Variants in CCDC7 observed in about 807,000 individuals in gnomAD.
CCDC7 encodes coiled-coil domain containing 7.
CCDC7 carries 183 observed loss-of-function variants against 196.9 expected under a neutral mutation model. The observed-to-expected ratio is 0.93, with a 90% confidence interval of 0.82 to 1.05. CCDC7 has a LOEUF of 1.05. Ranked by LOEUF, CCDC7 falls within the 50% of genes least tolerant of loss-of-function variation. The pLI is 0.00. For missense variants in CCDC7, 1,540 were observed against 1,482.2 expected, an observed-to-expected ratio of 1.04 and a Z score of -0.64; for synonymous variants, 525 against 484.6, an observed-to-expected ratio of 1.08 and a Z score of -1.10.
chr10:32,664,441 C>T (rs1358539153), intron 21 of CCDC7, among the ~76,000 whole-genome samples: 2 of 152,006 alleles, frequency 1.3e-5, no homozygotes, highest in Non-Finnish European at 1.5e-5. Flanking sequence ...CAGTAGATCT[C>T]TTAAACGTTT....
chr10:32,723,091 C>A (rs2082639104), intron 25 of CCDC7, among the ~76,000 whole-genome samples: 1 of 152,050 alleles, frequency 6.6e-6, no homozygotes, highest in African/African-American at 2.4e-5. Context: ...CCTAGCAGAC[C>A]ACCCTGTAGG....
rs758035816 is a variant in CCDC7, at chr10:32,474,027, AG to A, written c.796+5del. On this transcript the variant is annotated splice_donor_5th_base_variant and intron_variant, in intron 8 of 41. Coordinates refer to ENST00000639629, the Ensembl canonical transcript of CCDC7. ...GATGTTTCTGCAACAGAACCACGTA[AG>A]TTTCCACTCATTAAAGCATTATTGT... 1 of 1,610,822 alleles carries A rather than the reference AG, an allele frequency of 6.2e-7. No homozygotes were observed. The highest frequency in any genetic ancestry group is 1.7e-5 in the Admixed American group (1 of 59,658).
At chr10:32,496,537 T>C (rs1224408778) in intron 9 of CCDC7, among the ~76,000 whole-genome samples, 3 of 152,198 alleles carry the variant, frequency 2.0e-5, no homozygotes, top group African/African-American at 7.2e-5. Flanking sequence ...TTGTCATAAA[T>C]AGCTCTTATT....
rs575876337 is a variant in CCDC7, at chr10:32,762,175, C to T, written c.2906-16802C>T. ...CACATATAGTGTTCCGCAACATTTA[C>T]AGTTTCTGTCAGAAGGTTTGGCTCT... On this transcript the variant is annotated intron_variant, in intron 28 of 41. Coordinates refer to ENST00000639629, the Ensembl canonical transcript of CCDC7. Among the ~76,000 whole-genome samples, 42 of 152,048 alleles carry T rather than the reference C, an allele frequency of 2.8e-4. 1 individual carries two copies. In the South Asian group the frequency reaches 8.5e-3, roughly 31 times the overall value.
intron 4 of CCDC7, 139 bp from the exon 6 acceptor site, chr10:32,462,878 A>G (rs2036020470): frequency 1.5e-6 from 2 of 1,368,314 alleles, no homozygotes; most frequent in African/African-American, 1.5e-5. Context: ...CTGAATCCCA[A>G]GTGATGTTTC....
intron 18 of CCDC7, among the ~76,000 whole-genome samples, chr10:32,597,896 A>G (rs1332299066): frequency 6.6e-6 from 1 of 152,162 alleles, no homozygotes; most frequent in Non-Finnish European, 1.5e-5. Flanking sequence ...CGGCCTTATG[A>G]GGTGTCAGTC....
intron 22 of CCDC7, among the ~76,000 whole-genome samples, chr10:32,686,314 A>T (rs1260301292): frequency 6.6e-6 from 1 of 152,228 alleles, no homozygotes; most frequent in Non-Finnish European, 1.5e-5. Flanking sequence ...CACCAAGGAC[A>T]ATAGCAGGCC....
intron 28 of CCDC7, among the ~76,000 whole-genome samples, chr10:32,759,181 T>G (rs377106509): frequency 3.9e-5 from 6 of 152,144 alleles, no homozygotes; most frequent in African/African-American, 9.7e-5. Context: ...AGGTAATTTA[T>G]AGATTCAATG....
At chr10:32,800,530 A>G (rs1354431868) in intron 29 of CCDC7, among the ~76,000 whole-genome samples, 4 of 152,152 alleles carry the variant, frequency 2.6e-5, no homozygotes, top group East Asian at 1.9e-4. Context: ...GAGGATCACA[A>G]TAACATTTTT....
intron 30 of CCDC7, among the ~76,000 whole-genome samples, chr10:32,808,306 G>A (rs2086295116): frequency 6.6e-6 from 1 of 152,074 alleles, no homozygotes; most frequent in Non-Finnish European, 1.5e-5. Context: ...TGATTACCAG[G>A]GGACCTCACA....
At chr10:32,598,480 C>T (rs910258936) in intron 18 of CCDC7, among the ~76,000 whole-genome samples, 10 of 152,246 alleles carry the variant, frequency 6.6e-5, no homozygotes, top group African/African-American at 1.9e-4. Context: ...TGCCCTGCTC[C>T]GTGGGCTGCA....
rs190190133 is a variant in CCDC7, at chr10:32,466,438, T to C, written c.510+3389T>C. Among the ~76,000 whole-genome samples the C allele has an allele frequency of 1.2e-3, 181 of 152,230 alleles. No homozygotes were observed. The Middle Eastern group carries it at 0.014, about 11-fold the overall frequency. Reference sequence around the variant, plus strand: ...TCCTTCCTCCCAACCTCCACCCTCATGTAGACCCCAGTGTCTATTGTTTCC... The same window carrying C: ...TCCTTCCTCCCAACCTCCACCCTCACGTAGACCCCAGTGTCTATTGTTTCC... On this transcript the variant is annotated intron_variant, in intron 5 of 41. Coordinates refer to ENST00000639629, the Ensembl canonical transcript of CCDC7.
intron 18 of CCDC7, among the ~76,000 whole-genome samples, chr10:32,630,573 A>G (rs1317365098): frequency 6.6e-6 from 1 of 152,148 alleles, no homozygotes; most frequent in East Asian, 1.9e-4. Context: ...AATAATAGCT[A>G]GATTTCAGCA....
intron 25 of CCDC7, among the ~76,000 whole-genome samples, chr10:32,717,390 A>G (rs1225964243): frequency 6.6e-6 from 1 of 152,226 alleles, no homozygotes; most frequent in Admixed American, 6.5e-5. Context: ...CAGTGTGTAG[A>G]GATAAATTTA....
At chr10:32,845,945 T>C in exon 36 of CCDC7, 1 of 1,610,644 alleles carries the variant, frequency 6.2e-7, no homozygotes, top group Non-Finnish European at 8.5e-7. Context: ...ACTACACAAC[T>C]GAAGAGTCAC....
Position 32,854,203 on chromosome 10 carries a change from CTT to C in CCDC7, c.4022-196_4022-195del, listed in dbSNP as rs373455055. On this transcript the variant is annotated intron_variant, in intron 40 of 41. Transcript: ENST00000639629. ...TTGATTTGTACTCTTATAATGCACTCTTATAAATATCAAATACCAGGCAAGAA... is the reference window on the plus strand; with the variant it reads ...TTGATTTGTACTCTTATAATGCACTCATAAATATCAAATACCAGGCAAGAA... 1.8e-3 allele frequency among the ~76,000 whole-genome samples: 271 copies of C among 152,080 alleles called. 2 individuals carry two copies. Among genetic ancestry groups the C allele is most frequent in the African/African-American group, 5.0e-3 (206 of 41,462 alleles).
chr10:32,595,667 C>T (rs114617240), intron 18 of CCDC7, among the ~76,000 whole-genome samples: 2 of 152,182 alleles, frequency 1.3e-5, no homozygotes, highest in East Asian at 3.9e-4. Context: ...GCTGCTTTCT[C>T]TTGTCGGCAT....
chr10:32,881,063 C>T (rs1232543270), downstream of CCDC7, among the ~76,000 whole-genome samples: 5 of 151,992 alleles, frequency 3.3e-5, no homozygotes, highest in Non-Finnish European at 1.5e-5. Context: ...GGCAAAAATC[C>T]CATTTTCTTT....
chr10:32,469,980 A>G (rs990471954), intron 5 of CCDC7, among the ~76,000 whole-genome samples: 2 of 152,178 alleles, frequency 1.3e-5, no homozygotes, highest in African/African-American at 4.8e-5. Flanking sequence ...TTTTGACTCA[A>G]TTTATGATTT....
Sources: allele counts gnomAD v4.1 joint callset (sites outside exome capture counted in the v4.1 genomes callset), GRCh38; gene constraint gnomAD v4.1.1; transcripts MANE v1.5; gene names NCBI Gene and HGNC (gene_info 2026-07-23, HGNC 2026-07-21).